PDE6C: variants seen among roughly 807,000 people sequenced by gnomAD.
PDE6C encodes phosphodiesterase 6C.
In PDE6C, 75 loss-of-function variants were observed where a neutral mutation model predicts 113.1. That is an observed-to-expected ratio of 0.66 (90% CI 0.55 to 0.80). The LOEUF is 0.80. Among genes scored for constraint, PDE6C ranks in the 30% least tolerant of loss-of-function variants. PDE6C has a pLI of 0.00. For synonymous variants in PDE6C, 375 were observed against 363.7 expected (o/e 1.03, Z -0.35); for missense variants, 912 against 1,038.6 (o/e 0.88, Z 1.67).
At chr10:93,660,277 A>G (rs1025495089) in intron 18 of PDE6C, among the ~76,000 whole-genome samples, 9 of 152,346 alleles carry the variant, frequency 5.9e-5, no homozygotes, top group African/African-American at 2.2e-4. Context: ...AGCCTTCGTG[A>G]GGAAACAAAG....
At chr10:93,636,630 A>C (rs1313572792) in intron 10 of PDE6C, among the ~76,000 whole-genome samples, 1 of 152,156 alleles carries the variant, frequency 6.6e-6, no homozygotes, top group African/African-American at 2.4e-5. Context: ...CAGCTACTGT[A>C]ATCATTTTGG....
intron 20 of PDE6C, 85 bp downstream of exon 20, chr10:93,662,728 AC>A: frequency 1.3e-6 from 1 of 762,168 alleles, no homozygotes; most frequent in Non-Finnish European, 2.4e-6. Context: ...TTTAGAAGTC[AC>A]CCATACGGAA....
intron 15 of PDE6C, among the ~76,000 whole-genome samples, chr10:93,653,471 C>T (rs2058618748): frequency 6.6e-6 from 1 of 151,928 alleles, no homozygotes; most frequent in Non-Finnish European, 1.5e-5. Context: ...GGTGAAAACC[C>T]ATCTCTACTA....
rs761399272 is a variant in PDE6C, at chr10:93,662,609, G to C, written c.2333G>C (p.Gly778Ala). The change falls in exon 20 of 22, where the codon GGA becomes GCA. Residue 778 changes from glycine (G) to alanine (A), a missense_variant. Physicochemically the swap from Gly to Ala is moderately conservative, Grantham distance 60. Coordinates refer to ENST00000371447, the MANE Select transcript of PDE6C (RefSeq NM_006204.4). ...GATGAATTACCTAAACTTCAAGTTG[G>C]ATTTATTGATTTTGTTTGTACTTTT... Reference protein sequence around the residue: ...KRDELPKLQVGFIDFVCTFVY... With the variant: ...KRDELPKLQVAFIDFVCTFVY... The C allele has an allele frequency of 2.6e-5, 38 of 1,483,260 alleles. No individual in the cohort carries two copies. The highest frequency in any genetic ancestry group is 3.5e-5 in the Non-Finnish European group (37 of 1,060,812). 91.9% of individuals were successfully genotyped at this position (1,483,260 alleles called of 1,614,324 possible).
intron 3 of PDE6C, 82 bp downstream of exon 3, chr10:93,621,062 T>C (rs1350253939): frequency 3.5e-6 from 4 of 1,143,022 alleles, no homozygotes; most frequent in Admixed American, 1.7e-5. Flanking sequence ...AGACCCCTCC[T>C]ATTCCTCCTG....
At chr10:93,622,541 A>G (rs1288983406) in intron 4 of PDE6C, among the ~76,000 whole-genome samples, 1 of 151,880 alleles carries the variant, frequency 6.6e-6, no homozygotes, top group Non-Finnish European at 1.5e-5. Flanking sequence ...TATATCTGCT[A>G]CTACAGTATC....
intron 12 of PDE6C, 36 bp from the exon 13 acceptor site, chr10:93,640,414 C>A: frequency 8.0e-6 from 12 of 1,491,710 alleles, no homozygotes; most frequent in Non-Finnish European, 1.1e-5. Flanking sequence ...CTTTAGAATT[C>A]TATTCCAAAG....
intron 11 of PDE6C, among the ~76,000 whole-genome samples, chr10:93,638,010 A>G (rs954471563): frequency 6.6e-6 from 1 of 152,152 alleles, no homozygotes; most frequent in Admixed American, 6.6e-5. Flanking sequence ...TATTCCTACT[A>G]TTAGGGTGGA....
intron 8 of PDE6C, among the ~76,000 whole-genome samples, chr10:93,634,549 G>A (rs1419431816): frequency 6.6e-6 from 1 of 152,196 alleles, no homozygotes; most frequent in Non-Finnish European, 1.5e-5. Context: ...ATCGTACAAT[G>A]TCTGTTTTCT....
intron 10 of PDE6C, 152 bp from the exon 11 acceptor site, chr10:93,636,843 C>T (rs549572342): frequency 1.1e-5 from 7 of 638,030 alleles, no homozygotes; most frequent in African/African-American, 1.1e-4. Context: ...TCATAGCTCA[C>T]TGCATCTTCC....
intron 1 of PDE6C, among the ~76,000 whole-genome samples, chr10:93,613,599 G>T (rs923161839): frequency 1.3e-5 from 2 of 152,134 alleles, no homozygotes; most frequent in African/African-American, 2.4e-5. Flanking sequence ...ATGGGCCAAC[G>T]TGCCCAGATG....
Position 93,665,735 on chromosome 10 carries a change from A to G in PDE6C, c.*317A>G. On this transcript the variant is annotated 3_prime_UTR_variant, in exon 22 of 22. Coordinates refer to ENST00000371447, the MANE Select transcript of PDE6C (RefSeq NM_006204.4). ...TTATTTGCTAAGGCTGCTATAACAA[A>G]GTACCACAGACTGGGTGCTTAACCA... 2.8e-6 allele frequency: 1 copy of G among 353,190 alleles called. No homozygotes were observed. The highest frequency in any genetic ancestry group is 5.3e-6 in the Non-Finnish European group (1 of 187,794). 21.9% of individuals were successfully genotyped at this position (353,190 alleles called of 1,614,324 possible). A position where few individuals can be genotyped will look rare whatever the true frequency, so the allele number is the denominator to read the frequency against.
intron 8 of PDE6C, among the ~76,000 whole-genome samples, chr10:93,629,599 T>C (rs575263293): frequency 2.0e-5 from 3 of 152,194 alleles, no homozygotes; most frequent in Admixed American, 6.5e-5. Flanking sequence ...GGACCGGTTT[T>C]GTGGAAGACA....
chr10:93,624,871 G>C (rs938403984), intron 4 of PDE6C, among the ~76,000 whole-genome samples: 1 of 152,134 alleles, frequency 6.6e-6, no homozygotes, highest in Non-Finnish European at 1.5e-5. Context: ...TGCTGGTGAG[G>C]CCTCCTCTTA....
chr10:93,664,275 T>C (rs759953337), intron 21 of PDE6C, among the ~76,000 whole-genome samples: 1 of 152,182 alleles, frequency 6.6e-6, no homozygotes, highest in Non-Finnish European at 1.5e-5. Context: ...AAGGCTTTCC[T>C]GAAGAATGCT....
chr10:93,612,942 G>A lies in PDE6C; in HGVS notation c.217G>A (p.Gly73Arg), dbSNP rs1264336692. 2.5e-6 allele frequency: 4 copies of A among 1,613,872 alleles called. No homozygotes were observed. In the African/African-American group the frequency reaches 5.3e-5, roughly 22 times the overall value. Residue 73 changes from glycine to arginine, a missense_variant, in exon 1 of 22, where the codon GGG (glycine) becomes AGG (arginine). By Grantham distance (125) the Gly-to-Arg change is moderately radical. Transcript: ENST00000371447. The stretch of plus-strand genomic sequence containing the variant: ...GCTGCTGTGGACCGTGCAGGAGGAG[G>A]GGGGCACCCCAGAGCAGGGGGTTCA... ...LELLWTVQEE[G>R]GTPEQGVHRA...
chr10:93,656,395 G>A (rs2058638077), intron 16 of PDE6C, among the ~76,000 whole-genome samples: 1 of 152,096 alleles, frequency 6.6e-6, no homozygotes, highest in African/African-American at 2.4e-5. Context: ...TATTGCCAAG[G>A]AGACCAGATA....
At chr10:93,616,499 T>C (rs961965508) in intron 1 of PDE6C, among the ~76,000 whole-genome samples, 3 of 152,190 alleles carry the variant, frequency 2.0e-5, no homozygotes, top group Non-Finnish European at 4.4e-5. Flanking sequence ...AGATTAAATG[T>C]ATATAAAGGA....
At chr10:93,613,336 G>T in intron 1 of PDE6C, 131 bp downstream of exon 1, 2 of 1,280,826 alleles carry the variant, frequency 1.6e-6, no homozygotes, top group Non-Finnish European at 2.2e-6. Context: ...GCAGGGAAGA[G>T]GATCACCCAG....
Sources: gnomAD v4.1 joint callset for allele counts (sites outside exome capture counted in the v4.1 genomes callset) on GRCh38, gnomAD v4.1.1 for gene constraint, MANE v1.5 for transcripts, NCBI Gene and HGNC (gene_info 2026-07-23, HGNC 2026-07-21) for gene names.